Variants in REL observed in about 807,000 individuals in gnomAD.
The protein encoded by REL is REL proto-oncogene, NF-kB subunit.
REL carries 15 observed loss-of-function variants against 45.9 expected under a neutral mutation model. That is an observed-to-expected ratio of 0.33 (90% CI 0.22 to 0.50). The LOEUF (loss-of-function observed/expected upper bound fraction) is 0.50, where lower values mean the gene tolerates loss of function less well. Among genes scored for constraint, REL ranks in the 20% least tolerant of loss-of-function variants. The pLI is 0.98. For missense variants in REL, 601 were observed against 715.2 expected (o/e 0.84, Z 1.82); for synonymous variants, 239 against 242.1 (o/e 0.99, Z 0.12).
At chr2:60,912,491 A>G (rs556541098) in intron 4 of REL, among the ~76,000 whole-genome samples, 99 of 152,276 alleles carry the variant, frequency 6.5e-4, no homozygotes, top group African/African-American at 2.1e-3. Context: ...CCAAGAACCT[A>G]TAGACATCAT....
chr2:60,914,531 T>TTAAAATAAAATAAA lies in REL; in HGVS notation c.395-2337_395-2336insATAAATAAAATAAA, dbSNP rs1463882778. ...TCTTTTATGTGCCATTTAAAAATATTTAAAATAAACTTTTATTGAGATACA... is the reference window on the plus strand; with the variant it reads ...TCTTTTATGTGCCATTTAAAAATATTTAAAATAAAATAAATAAAATAAACTTTTATTGAGATACA... On this transcript the variant is annotated intron_variant, in intron 4 of 9. Coordinates refer to ENST00000394479, the MANE Select transcript of REL (RefSeq NM_001291746.2). Among the ~76,000 whole-genome samples, 3 of 152,162 alleles carry TTAAAATAAAATAAA rather than the reference T, an allele frequency of 2.0e-5. No homozygotes were observed. In the East Asian group the frequency reaches 5.8e-4, roughly 29 times the overall value.
At chr2:60,884,185 A>G (rs1673016471) in intron 1 of REL, among the ~76,000 whole-genome samples, 1 of 151,990 alleles carries the variant, frequency 6.6e-6, no homozygotes, top group Non-Finnish European at 1.5e-5. Flanking sequence ...AAACCTCAGA[A>G]AGTAACTTTT....
chr2:60,926,875 TA>T lies in REL; in HGVS notation c.*4342del, dbSNP rs1304779236. ...GCCTTCATTCTTTTTTCCCTAGTAA[TA>T]ATCTTTTCCATATGTTCCAGTTAAA... is the stretch of plus-strand genomic sequence containing the variant. On this transcript the variant is annotated 3_prime_UTR_variant, in exon 10 of 10. Coordinates refer to ENST00000394479, the MANE Select transcript of REL (RefSeq NM_001291746.2). 3.5e-5 allele frequency: 8 copies of T among 226,634 alleles called. No individual in the cohort carries two copies. Among genetic ancestry groups the T allele is most frequent in the Middle Eastern group, 2.6e-3 (2 of 768 alleles). The allele number at this position is 226,634 out of a possible 1,614,324, so 14.0% of individuals were successfully genotyped here.
rs1247426300 is a variant in REL at position 60,923,518 on chromosome 2, C to A, written c.*983C>A. On this transcript the variant is annotated 3_prime_UTR_variant, in exon 10 of 10. Transcript: ENST00000394479. ...AAGCTCACACTCAGCATATCCAAAACTGAATTCTTGGTCTTCCCTCCCAAA... is the reference window on the plus strand; with the variant it reads ...AAGCTCACACTCAGCATATCCAAAAATGAATTCTTGGTCTTCCCTCCCAAA... 1 of 232,534 alleles carries A rather than the reference C, an allele frequency of 4.3e-6. No homozygotes were observed. The highest frequency in any genetic ancestry group is 8.5e-6 in the Non-Finnish European group (1 of 117,654). The allele number at this position is 232,534 out of a possible 1,614,324, so 14.4% of individuals were successfully genotyped here. A position where few individuals can be genotyped will look rare whatever the true frequency, so the allele number is the denominator to read the frequency against.
chr2:60,922,739 C>G lies in REL; in HGVS notation c.*204C>G. The G allele has an allele frequency of 8.5e-7, 1 of 1,177,850 alleles. No homozygotes were observed. 73.0% of individuals were successfully genotyped at this position (1,177,850 alleles called of 1,614,324 possible). On this transcript the variant is annotated 3_prime_UTR_variant, in exon 10 of 10. Coordinates refer to ENST00000394479, the MANE Select transcript of REL (RefSeq NM_001291746.2). The stretch of plus-strand genomic sequence containing the variant: ...GACATAGCGAATACAAAATTGGAAG[C>G]TGTCATAAAAAGACAACTCAGAGGC...
In REL at chr2:60,922,183, G is replaced by A; in HGVS notation, c.1412G>A (p.Ser471Asn). 1 of 1,614,142 alleles carries A rather than the reference G, an allele frequency of 6.2e-7. No homozygotes were observed. The highest frequency in any genetic ancestry group is 8.5e-7 in the Non-Finnish European group (1 of 1,179,994). The change falls in exon 10 of 10, where the codon AGT (serine) becomes AAT (asparagine). Residue 471 changes from serine to asparagine, a missense_variant. Coordinates refer to ENST00000394479, the MANE Select transcript of REL (RefSeq NM_001291746.2). Reference protein sequence around the residue: ...NCSVNMMTTSSDSMGETDNPR... With the variant: ...NCSVNMMTTSNDSMGETDNPR... The stretch of plus-strand genomic sequence containing the variant: ...TCTGTGAATATGATGACAACCAGCA[G>A]TGACAGCATGGGAGAGACTGATAAT...
chr2:60,889,733 A>G lies in REL; in HGVS notation c.11-1950A>G, dbSNP rs143230281. 3.3e-3 allele frequency among the ~76,000 whole-genome samples: 505 copies of G among 151,504 alleles called. 5 individuals carry two copies. The highest frequency in any genetic ancestry group is 0.012 in the African/African-American group (484 of 41,274). On this transcript the variant is annotated intron_variant, in intron 1 of 9. Coordinates refer to ENST00000394479, the MANE Select transcript of REL (RefSeq NM_001291746.2). ...TGCGGTGTTTGGTTTTTTTGTCCTCACGATAGTTTCCAGCTTCATCTATGT... is the reference window on the plus strand; with the variant it reads ...TGCGGTGTTTGGTTTTTTTGTCCTCGCGATAGTTTCCAGCTTCATCTATGT...
chr2:60,891,923 C>T lies in REL; in HGVS notation c.153+98C>T, dbSNP rs1317805269. 3 of 1,184,232 alleles carry T rather than the reference C, an allele frequency of 2.5e-6. No homozygotes were observed. In the African/African-American group the frequency reaches 4.7e-5, roughly 19 times the overall value. 73.4% of individuals were successfully genotyped at this position (1,184,232 alleles called of 1,614,324 possible). On this transcript the variant is annotated intron_variant, in intron 2 of 9. Coordinates refer to ENST00000394479, the MANE Select transcript of REL (RefSeq NM_001291746.2). ...GGGCCAGTTTCTTCACAGTCATCTC[C>T]ACAGGTTTATCTTTTTCTTTTTTCC... is the stretch of plus-strand genomic sequence containing the variant.
rs1006289874 is a variant in REL, at chr2:60,925,290, T to C, written c.*2755T>C. The C allele has an allele frequency of 5.1e-6, 1 of 194,252 alleles. No individual in the cohort carries two copies. The highest frequency in any genetic ancestry group is 1.1e-5 in the Non-Finnish European group (1 of 93,304). The allele number at this position is 194,252 out of a possible 1,614,324, so 12.0% of individuals were successfully genotyped here. A position where few individuals can be genotyped will look rare whatever the true frequency, so the allele number is the denominator to read the frequency against. ...TAGTCGTTTCGGTCAAATAGAAAAA[T>C]GTGTGAATGCCATAAAAACAAAAAT... On this transcript the variant is annotated 3_prime_UTR_variant, in exon 10 of 10. Transcript: ENST00000394479.
chr2:60,920,349 T>A (rs1266807505), intron 8 of REL: 2 of 616,084 alleles, frequency 3.2e-6, no homozygotes, highest in Non-Finnish European at 5.8e-6. Context: ...TACAGGCATG[T>A]GCCACCACAC....
At chr2:60,893,519 T>C (rs1263327421) in intron 2 of REL, among the ~76,000 whole-genome samples, 1 of 152,240 alleles carries the variant, frequency 6.6e-6, no homozygotes, top group Non-Finnish European at 1.5e-5. Context: ...TTCTAAGATA[T>C]GTATTTTTAC....
chr2:60,908,677 C>T (rs965841731), intron 4 of REL, among the ~76,000 whole-genome samples: 6 of 152,016 alleles, frequency 3.9e-5, no homozygotes, highest in African/African-American at 1.2e-4. Flanking sequence ...TTCTAGTATG[C>T]GGCAGTTAAA....
intron 4 of REL, among the ~76,000 whole-genome samples, chr2:60,912,178 G>A (rs1673836012): frequency 6.6e-6 from 1 of 152,094 alleles, no homozygotes; most frequent in African/African-American, 2.4e-5. Flanking sequence ...ATTGGGATAA[G>A]AATAGATAGA....
intron 1 of REL, among the ~76,000 whole-genome samples, chr2:60,884,299 C>G (rs1673018303): frequency 6.6e-6 from 1 of 151,860 alleles, no homozygotes; most frequent in Admixed American, 6.6e-5. Context: ...GTAAAAGTAA[C>G]ATAAATCATA....
rs1043452599 is a variant in REL, at chr2:60,926,027, G to A, written c.*3492G>A. 1 of 228,444 alleles carries A rather than the reference G, an allele frequency of 4.4e-6. No individual in the cohort carries two copies. The highest frequency in any genetic ancestry group is 2.2e-5 in the African/African-American group (1 of 44,994). 14.2% of individuals were successfully genotyped at this position (228,444 alleles called of 1,614,324 possible). A position where few individuals can be genotyped will look rare whatever the true frequency, so the allele number is the denominator to read the frequency against. ...TAGACTTTAATTTAAAATGAATTTG[G>A]TAACGTTTCTCCTCTGTCTCTACAT... On this transcript the variant is annotated 3_prime_UTR_variant, in exon 10 of 10. Transcript: ENST00000394479.
At chr2:60,911,953 G>A (rs1171984951) in intron 4 of REL, among the ~76,000 whole-genome samples, 9 of 142,942 alleles carry the variant, frequency 6.3e-5, no homozygotes, top group East Asian at 2.0e-4. Flanking sequence ...AGCTGAGATC[G>A]TGCCACTGCA....
chr2:60,922,539 G>A lies in REL; in HGVS notation c.*4G>A. 6.3e-7 allele frequency: 1 copy of A among 1,590,616 alleles called. No individual in the cohort carries two copies. The highest frequency in any genetic ancestry group is 8.6e-7 in the Non-Finnish European group (1 of 1,169,556). The stretch of plus-strand genomic sequence containing the variant: ...ATATGAATTTTTTCAAGTATAACTT[G>A]CAAGATTTAAATCCTTTTAAATCTT... On this transcript the variant is annotated 3_prime_UTR_variant, in exon 10 of 10. Coordinates refer to ENST00000394479, the MANE Select transcript of REL (RefSeq NM_001291746.2).
intron 9 of REL, 42 bp downstream of exon 9, chr2:60,920,684 C>T (rs773370288): frequency 1.6e-5 from 20 of 1,228,008 alleles, no homozygotes; most frequent in Non-Finnish European, 2.4e-5. Flanking sequence ...ATCAGAAAGA[C>T]CAGTACTTTG....
chr2:60,918,651 TC>T (rs1275177970), intron 7 of REL, 45 bp downstream of exon 7: 2 of 1,286,980 alleles, frequency 1.6e-6, no homozygotes, highest in African/African-American at 2.9e-5. Flanking sequence ...CTTGAAGTGG[TC>T]CTGCTAATAA....
Sources: gnomAD v4.1 joint callset for allele counts (sites outside exome capture counted in the v4.1 genomes callset) on GRCh38, gnomAD v4.1.1 for gene constraint, MANE v1.5 for transcripts, NCBI Gene and HGNC (gene_info 2026-07-23, HGNC 2026-07-21) for gene names.